The following CACNB4 variants were observed in gnomAD, a reference collection of about 807,000 sequenced individuals.
CACNB4 encodes the protein calcium voltage-gated channel auxiliary subunit beta 4.
A neutral mutation model predicts 71.2 loss-of-function variants in CACNB4; 32 were observed. That is an observed-to-expected ratio of 0.45 (90% CI 0.34 to 0.60). The LOEUF (loss-of-function observed/expected upper bound fraction) is 0.60. Ranked by LOEUF, CACNB4 falls within the 20% of genes least tolerant of loss-of-function variation. The probability of loss-of-function intolerance (pLI) is 0.01; values close to 1 mark genes in which losing one functional copy is unlikely to be tolerated. For synonymous variants in CACNB4, 231 were observed against 236.9 expected (o/e 0.97, Z 0.23); for missense variants, 464 against 647.9 (o/e 0.72, Z 3.08).
At chr2:151,978,907 C>T (rs2099874240) in intron 2 of CACNB4, among the ~76,000 whole-genome samples, 1 of 152,120 alleles carries the variant, frequency 6.6e-6, no homozygotes, top group African/African-American at 2.4e-5. Flanking sequence ...GACTGCTCCT[C>T]GTGCCAAGGC....
At chr2:151,978,765 A>C (rs1396243629) in intron 2 of CACNB4, among the ~76,000 whole-genome samples, 2 of 152,084 alleles carry the variant, frequency 1.3e-5, no homozygotes, top group Admixed American at 6.5e-5. Context: ...CTTGCCCCTG[A>C]TGCCGGCCTG....
chr2:151,997,397 G>A (rs906543249), intron 2 of CACNB4, among the ~76,000 whole-genome samples: 1 of 152,096 alleles, frequency 6.6e-6, no homozygotes, highest in Non-Finnish European at 1.5e-5. Flanking sequence ...AGGCAGGCGT[G>A]GTGGCGGGCG....
chr2:151,964,941 T>G (rs908331494), intron 2 of CACNB4, among the ~76,000 whole-genome samples: 12 of 20,276 alleles, frequency 5.9e-4, no homozygotes, highest in Admixed American at 2.3e-3. Flanking sequence ...TTAAATTTTC[T>G]GTGCTCCCTA....
intron 2 of CACNB4, among the ~76,000 whole-genome samples, chr2:151,983,921 G>T (rs924544796): frequency 6.6e-6 from 1 of 152,068 alleles, no homozygotes. Flanking sequence ...CTGGTCTTGT[G>T]TACTTCAGAA....
At chr2:152,045,162 A>G (rs373532881) in intron 2 of CACNB4, among the ~76,000 whole-genome samples, 3 of 152,004 alleles carry the variant, frequency 2.0e-5, no homozygotes, top group African/African-American at 7.2e-5. Context: ...TCATTGGCCA[A>G]TTTTTTTTCA....
At chr2:151,855,451 T>G in intron 10 of CACNB4, 76 bp from the exon 11 acceptor site, 1 of 1,089,324 alleles carries the variant, frequency 9.2e-7, no homozygotes, top group Non-Finnish European at 1.3e-6. Context: ...ATAGTATATT[T>G]TCAGATATGT....
intron 2 of CACNB4, chr2:151,968,569 T>G (rs778555882): frequency 1.3e-5 from 2 of 152,182 alleles, no homozygotes; most frequent in South Asian, 2.1e-4. Context: ...ATGGGAGAAC[T>G]GTTGACATAG....
intron 2 of CACNB4, among the ~76,000 whole-genome samples, chr2:152,034,576 G>C (rs1684459309): frequency 6.6e-6 from 1 of 152,222 alleles, no homozygotes. Flanking sequence ...ATCATGAAAA[G>C]CATCGCATAA....
Position 151,834,619 on chromosome 2 carries a change from A to C in CACNB4, c.*4500T>G, listed in dbSNP as rs1309501267. Reference sequence around the variant, plus strand: ...TAGTTCTGGGTGCCCATATAAGCCAATTTTTCTATTTTGACTAACTTGACT... The same window carrying C: ...TAGTTCTGGGTGCCCATATAAGCCACTTTTTCTATTTTGACTAACTTGACT... On this transcript the variant is annotated 3_prime_UTR_variant, in exon 14 of 14. Transcript: ENST00000539935. 1 of 151,962 alleles carries C rather than the reference A, an allele frequency of 6.6e-6. No individual in the cohort carries two copies. Among genetic ancestry groups the C allele is most frequent in the African/African-American group, 2.4e-5 (1 of 41,428 alleles). 9.4% of individuals were successfully genotyped at this position (151,962 alleles called of 1,614,324 possible).
intron 12 of CACNB4, among the ~76,000 whole-genome samples, chr2:151,844,536 T>C (rs1257041299): frequency 6.6e-6 from 1 of 152,224 alleles, no homozygotes; most frequent in Non-Finnish European, 1.5e-5. Flanking sequence ...TAAATCCCCT[T>C]TTCCACTAAA....
intron 2 of CACNB4, among the ~76,000 whole-genome samples, chr2:152,030,669 T>C (rs1367738523): frequency 1.3e-5 from 2 of 152,160 alleles, no homozygotes; most frequent in African/African-American, 4.8e-5. Flanking sequence ...CATTGTTCAA[T>C]TCCCACCTAT....
intron 2 of CACNB4, among the ~76,000 whole-genome samples, chr2:151,949,554 C>T (rs1243616996): frequency 6.6e-6 from 1 of 152,044 alleles, no homozygotes. Context: ...GTTCAGGGAC[C>T]TACCAAGTAG....
intron 4 of CACNB4, 123 bp downstream of exon 4, chr2:151,880,677 C>A (rs1269889093): frequency 1.4e-5 from 14 of 991,886 alleles, no homozygotes; most frequent in Admixed American, 2.6e-5. Flanking sequence ...GGAGGCTCAG[C>A]AAATTAAATC....
At chr2:151,935,455 C>T (rs2099862700) in intron 2 of CACNB4, among the ~76,000 whole-genome samples, 1 of 152,240 alleles carries the variant, frequency 6.6e-6, no homozygotes. Flanking sequence ...CATGTTGTCT[C>T]TGAATATGTG....
At chr2:151,840,358 C>T (rs768134108) in intron 13 of CACNB4, among the ~76,000 whole-genome samples, 1 of 152,202 alleles carries the variant, frequency 6.6e-6, no homozygotes, top group Non-Finnish European at 1.5e-5. Context: ...CACATTAACT[C>T]ATTAGTGAAA....
At chr2:152,062,930 C>T (rs1488629948) in intron 2 of CACNB4, among the ~76,000 whole-genome samples, 1 of 152,124 alleles carries the variant, frequency 6.6e-6, no homozygotes, top group Non-Finnish European at 1.5e-5. Flanking sequence ...AGAAAATGCC[C>T]CTTGGGACTC....
intron 2 of CACNB4, among the ~76,000 whole-genome samples, chr2:151,884,559 C>T (rs1427164781): frequency 6.0e-5 from 9 of 150,618 alleles, no homozygotes; most frequent in Non-Finnish European, 1.2e-4. Flanking sequence ...GGCGTGAACC[C>T]CGGAGGCGGA....
chr2:151,857,942 C>T (rs977725616), intron 10 of CACNB4: 9 of 152,244 alleles, frequency 5.9e-5, no homozygotes, highest in Admixed American at 4.6e-4. Context: ...TTGGGCAGAA[C>T]AAGCCAGCAG....
chr2:151,848,267 T>C lies in CACNB4; in HGVS notation c.1116+5181A>G, dbSNP rs572394776. 5.9e-5 allele frequency among the ~76,000 whole-genome samples: 9 copies of C among 152,316 alleles called. No individual in the cohort carries two copies. The South Asian group carries it at 1.2e-3, about 21-fold the overall frequency. On this transcript the variant is annotated intron_variant, in intron 12 of 13. Transcript: ENST00000539935. ...TCCCTGGAAAAGGTGTAGTCCCCTT[T>C]GGGCTGAGAGAAATTGGATCCCATG...
Sources: allele counts gnomAD v4.1 joint callset (sites outside exome capture counted in the v4.1 genomes callset), GRCh38; gene constraint gnomAD v4.1.1; transcripts MANE v1.5; gene names NCBI Gene and HGNC (gene_info 2026-07-23, HGNC 2026-07-21).